The following RUNX1 variants were observed in gnomAD, a reference collection of about 807,000 sequenced individuals.
RUNX1 encodes the protein RUNX family transcription factor 1.
RUNX1 carries 19 observed loss-of-function variants against 42.8 expected under a neutral mutation model. The ratio of observed to expected loss-of-function variants is 0.44; its 90% CI spans 0.31 to 0.65. The LOEUF is 0.65. Ranked by LOEUF, RUNX1 falls within the 30% of genes least tolerant of loss-of-function variation. The pLI, the probability that RUNX1 is intolerant of heterozygous loss-of-function variation, is 0.07. For missense variants in RUNX1, 528 were observed against 672.0 expected (o/e 0.79, Z 2.37); for synonymous variants, 271 against 289.4 (o/e 0.94, Z 0.64).
At chr21:34,865,893 G>A (rs2057654200) in intron 5 of RUNX1, among the ~76,000 whole-genome samples, 1 of 152,212 alleles carries the variant, frequency 6.6e-6, no homozygotes, top group Non-Finnish European at 1.5e-5. Flanking sequence ...TTGCCTAGGT[G>A]TGAAGAACAT....
rs779452947 is a variant in RUNX1 at position 34,971,409 on chromosome 21, C to G, written c.58+77433G>C. The stretch of plus-strand genomic sequence containing the variant: ...ATATTAATTCTTCCTTATAATCACT[C>G]TAAAGAATGATAATTCTTTTGCTTT... On this transcript the variant is annotated intron_variant, in intron 2 of 8. Coordinates refer to ENST00000675419, the MANE Select transcript of RUNX1 (RefSeq NM_001754.5). Among the ~76,000 whole-genome samples, 128 of 152,168 alleles carry G rather than the reference C, an allele frequency of 8.4e-4. 1 individual carries two copies. Among genetic ancestry groups the G allele is most frequent in the Non-Finnish European group, 2.8e-4 (19 of 68,020 alleles).
At chr21:35,026,428 G>GA in intron 2 of RUNX1, among the ~76,000 whole-genome samples, 1 of 152,204 alleles carries the variant, frequency 6.6e-6, no homozygotes, top group Non-Finnish European at 1.5e-5. Context: ...TCTCCAAGAA[G>GA]AAAAGCAATC....
intron 2 of RUNX1, among the ~76,000 whole-genome samples, chr21:34,994,195 C>CG (rs1569142306): frequency 7.5e-6 from 1 of 133,084 alleles, no homozygotes; most frequent in African/African-American, 3.8e-5. Context: ...GACGGAACCA[C>CG]ATTTTTTTTT....
chr21:34,875,560 C>T (rs2057802253), intron 5 of RUNX1, among the ~76,000 whole-genome samples: 1 of 152,094 alleles, frequency 6.6e-6, no homozygotes, highest in South Asian at 2.1e-4. Flanking sequence ...TCCTTATATT[C>T]TCTCCAGGAG....
chr21:34,892,271 A>G (rs2058088892), intron 3 of RUNX1, among the ~76,000 whole-genome samples: 1 of 152,242 alleles, frequency 6.6e-6, no homozygotes, highest in Non-Finnish European at 1.5e-5. Flanking sequence ...CACCTGCCAT[A>G]CACACTATCC....
intron 2 of RUNX1, among the ~76,000 whole-genome samples, chr21:35,015,917 C>T (rs2059155998): frequency 6.6e-6 from 1 of 152,206 alleles, no homozygotes; most frequent in Admixed American, 6.5e-5. Flanking sequence ...AGTTGTCCTG[C>T]ACCACACTCT....
chr21:34,882,820 A>C (rs1167973381), intron 4 of RUNX1, among the ~76,000 whole-genome samples: 1 of 151,952 alleles, frequency 6.6e-6, no homozygotes, highest in Non-Finnish European at 1.5e-5. Flanking sequence ...CAGTGTTGAA[A>C]TGCCCTCTTT....
At chr21:35,034,263 A>G (rs955554306) in intron 2 of RUNX1, among the ~76,000 whole-genome samples, 10 of 152,246 alleles carry the variant, frequency 6.6e-5, no homozygotes, top group Non-Finnish European at 1.3e-4. Flanking sequence ...TTGTTGCGCC[A>G]GCAGGCCAGA....
intron 2 of RUNX1, among the ~76,000 whole-genome samples, chr21:34,935,609 T>G (rs1423903453): frequency 6.6e-6 from 1 of 151,934 alleles, no homozygotes; most frequent in Non-Finnish European, 1.5e-5. Flanking sequence ...CTGGTTAACA[T>G]AGGGTTTCTC....
intron 7 of RUNX1, among the ~76,000 whole-genome samples, chr21:34,819,959 C>T (rs2056884348): frequency 1.3e-5 from 2 of 152,280 alleles, no homozygotes; most frequent in African/African-American, 4.8e-5. Context: ...CTCAAAATCA[C>T]ACAGGACGGT....
chr21:34,925,577 G>A (rs1040634338), intron 2 of RUNX1, among the ~76,000 whole-genome samples: 7 of 152,164 alleles, frequency 4.6e-5, no homozygotes, highest in Non-Finnish European at 8.8e-5. Context: ...CTGGGAAGAG[G>A]TAAGGAAGGA....
chr21:35,002,182 C>G (rs1210151886), intron 2 of RUNX1, among the ~76,000 whole-genome samples: 1 of 151,584 alleles, frequency 6.6e-6, no homozygotes, highest in East Asian at 1.9e-4. Flanking sequence ...GCTTTTTGCA[C>G]TTGCTGTTTC....
intron 2 of RUNX1, among the ~76,000 whole-genome samples, chr21:35,040,047 C>A (rs910336884): frequency 2.6e-5 from 4 of 152,172 alleles, no homozygotes; most frequent in African/African-American, 9.6e-5. Flanking sequence ...TTTTCTCCTC[C>A]TTTTAGTTCC....
chr21:34,991,057 C>A (rs2058933657), intron 2 of RUNX1, among the ~76,000 whole-genome samples: 2 of 152,178 alleles, frequency 1.3e-5, no homozygotes, highest in African/African-American at 4.8e-5. Flanking sequence ...TTCTGTCCAA[C>A]CAGGGGGTTA....
Position 34,907,612 on chromosome 21 carries a change from CT to C in RUNX1, c.59-14650del, listed in dbSNP as rs2058233509. On this transcript the variant is annotated intron_variant, in intron 2 of 8. Coordinates refer to ENST00000675419, the MANE Select transcript of RUNX1 (RefSeq NM_001754.5). This position sits in a 1 kb window ranked among gnomAD's most constrained non-coding sequence, Gnocchi z 5.3. ...TTGGTGTTTGGCTCCCTGTGACTCT[CT>C]GAAGTTCTCCTTTCTGTGCCTCCGC... 6.6e-6 allele frequency among the ~76,000 whole-genome samples: 1 copy of C among 151,020 alleles called. No individual in the cohort carries two copies. Among genetic ancestry groups the C allele is most frequent in the African/African-American group, 2.4e-5 (1 of 41,280 alleles).
chr21:34,826,235 A>C (rs1208179227), intron 7 of RUNX1, among the ~76,000 whole-genome samples: 2 of 152,120 alleles, frequency 1.3e-5, no homozygotes, highest in African/African-American at 4.8e-5. Flanking sequence ...TAAATGGATT[A>C]ATGCCATAAT....
intron 7 of RUNX1, among the ~76,000 whole-genome samples, chr21:34,819,002 T>C (rs528134235): frequency 1.3e-5 from 2 of 152,290 alleles, no homozygotes; most frequent in East Asian, 3.9e-4. Context: ...CTGAGCGCTC[T>C]GATATGGGTG....
chr21:34,936,256 A>C (rs2058484307), intron 2 of RUNX1, among the ~76,000 whole-genome samples: 1 of 151,002 alleles, frequency 6.6e-6, no homozygotes, highest in South Asian at 2.1e-4. Flanking sequence ...ATAACTACTT[A>C]GAATTCAGCC....
chr21:34,995,806 T>C (rs1004228844), intron 2 of RUNX1, among the ~76,000 whole-genome samples: 1 of 152,222 alleles, frequency 6.6e-6, no homozygotes, highest in African/African-American at 2.4e-5. Flanking sequence ...TTTGTTGTCA[T>C]GGAGTTTATA....
Sources: allele counts gnomAD v4.1 joint callset (sites outside exome capture counted in the v4.1 genomes callset), GRCh38; gene constraint gnomAD v4.1.1; non-coding constraint Gnocchi (gnomAD v3.1); transcripts MANE v1.5; gene names NCBI Gene and HGNC (gene_info 2026-07-23, HGNC 2026-07-21).